The following STIMATE variants were observed in gnomAD, a reference collection of about 807,000 sequenced individuals.
The protein encoded by STIMATE is store-operated calcium entry regulator STIMATE.
STIMATE carries 15 observed loss-of-function variants against 36.7 expected under a neutral mutation model. That is an observed-to-expected ratio of 0.41 (90% confidence interval 0.27 to 0.63). STIMATE has a LOEUF of 0.63. Among genes scored for constraint, STIMATE ranks in the 20% least tolerant of loss-of-function variants. The probability of loss-of-function intolerance (pLI) is 0.32; values close to 1 mark genes in which losing one functional copy is unlikely to be tolerated. For synonymous variants in STIMATE, 163 were observed against 162.3 expected (o/e 1.00, Z -0.03); for missense variants, 305 against 397.3 (o/e 0.77, Z 1.98).
At chr3:52,868,503 T>A (rs937669466) in intron 1 of STIMATE, among the ~76,000 whole-genome samples, 1 of 152,252 alleles carries the variant, frequency 6.6e-6, no homozygotes, top group South Asian at 2.1e-4. Flanking sequence ...ACTTAACTTT[T>A]CAGAGTCTGT....
chr3:52,871,755 C>G (rs938637151), intron 1 of STIMATE, among the ~76,000 whole-genome samples: 1 of 152,296 alleles, frequency 6.6e-6, no homozygotes, highest in African/African-American at 2.4e-5. Context: ...TGACACAAAT[C>G]TGTCAAAAGT....
chr3:52,854,251 C>A (rs1021414622), intron 2 of STIMATE, among the ~76,000 whole-genome samples: 1 of 152,122 alleles, frequency 6.6e-6, no homozygotes, highest in African/African-American at 2.4e-5. Flanking sequence ...AAGACAGGAG[C>A]CTTTTGCTCT....
chr3:52,888,964 G>A (rs899344239), intron 1 of STIMATE, among the ~76,000 whole-genome samples: 2 of 152,110 alleles, frequency 1.3e-5, no homozygotes, highest in African/African-American at 4.8e-5. Context: ...CCCACCCAAT[G>A]TCCACACCAT....
intron 1 of STIMATE, among the ~76,000 whole-genome samples, chr3:52,883,224 T>C (rs1352630755): frequency 6.6e-6 from 1 of 152,240 alleles, no homozygotes; most frequent in Non-Finnish European, 1.5e-5. Flanking sequence ...TATAGAATCC[T>C]AGATTGACAG....
chr3:52,891,699 T>C (rs946097813), intron 1 of STIMATE, among the ~76,000 whole-genome samples: 1 of 152,006 alleles, frequency 6.6e-6, no homozygotes, highest in Non-Finnish European at 1.5e-5. Flanking sequence ...TTCACTGCCA[T>C]GCACTCTGTG....
intron 3 of STIMATE, among the ~76,000 whole-genome samples, chr3:52,852,093 G>A (rs1411102314): frequency 1.3e-5 from 2 of 152,244 alleles, no homozygotes; most frequent in Non-Finnish European, 2.9e-5. Context: ...CATCAGCAAG[G>A]AGGACAGAAT....
chr3:52,852,474 A>C, intron 3 of STIMATE, 129 bp downstream of exon 3: 1 of 1,105,904 alleles, frequency 9.0e-7, no homozygotes, highest in African/African-American at 1.6e-5. Flanking sequence ...CTCTCAGAGG[A>C]GCACAGAGGA....
At chr3:52,852,719 C>T (rs976072261) in intron 2 of STIMATE, 21 bp from the exon 3 acceptor site, 8 of 1,612,624 alleles carry the variant, frequency 5.0e-6, no homozygotes, top group African/African-American at 1.3e-5. Flanking sequence ...TAAACCAGCA[C>T]TGGTTATTAG....
chr3:52,867,851 T>C (rs1011414044), intron 1 of STIMATE, among the ~76,000 whole-genome samples: 7 of 152,122 alleles, frequency 4.6e-5, no homozygotes, highest in African/African-American at 1.7e-4. Context: ...CAGCAGTTAG[T>C]AGAGGAGCCG....
Position 52,844,845 on chromosome 3 carries a change from AT to A in STIMATE, c.523del (p.Ile175TyrfsTer10). On this transcript the variant is annotated frameshift_variant, in exon 5 of 8. Coordinates refer to ENST00000355083, the MANE Select transcript of STIMATE (RefSeq NM_198563.5). LOFTEE classifies it high-confidence loss of function. Reference sequence around the variant, plus strand: ...GAAGCAAACCTTTTTCCACTGAAGTATTAGGAGGACGATGAAGACGACAGAC... The same window carrying A: ...GAAGCAAACCTTTTTCCACTGAAGTATAGGAGGACGATGAAGACGACAGAC... ...EKSVVFIVLL[I>X]LQWKKVALLN... 1 of 1,614,128 alleles carries A rather than the reference AT, an allele frequency of 6.2e-7. No individual in the cohort carries two copies. The highest frequency in any genetic ancestry group is 8.5e-7 in the Non-Finnish European group (1 of 1,179,986).
intron 1 of STIMATE, among the ~76,000 whole-genome samples, chr3:52,886,287 C>G (rs72959487): frequency 0.031 from 4,695 of 152,236 alleles, 281 homozygotes; most frequent in African/African-American, 0.11. Context: ...CATGTGTATG[C>G]TGCACATGGC....
intron 3 of STIMATE, among the ~76,000 whole-genome samples, chr3:52,851,887 C>T (rs562723942): frequency 6.6e-6 from 1 of 152,352 alleles, no homozygotes; most frequent in Non-Finnish European, 1.5e-5. Flanking sequence ...TCCATGACTC[C>T]TGAGCGGTGT....
chr3:52,873,559 C>A (rs1701445754), intron 1 of STIMATE, among the ~76,000 whole-genome samples: 2 of 152,144 alleles, frequency 1.3e-5, no homozygotes, highest in Admixed American at 1.3e-4. Flanking sequence ...AGGGTAGCCT[C>A]AGTGAACTAA....
chr3:52,850,012 T>C, intron 3 of STIMATE, 99 bp from the exon 4 acceptor site: 1 of 1,470,846 alleles, frequency 6.8e-7, no homozygotes, highest in Non-Finnish European at 9.0e-7. Context: ...GGACCCAGCA[T>C]TTGTTTGGGC....
intron 2 of STIMATE, 74 bp from the exon 3 acceptor site, chr3:52,852,772 C>A: frequency 6.3e-7 from 1 of 1,576,226 alleles, no homozygotes; most frequent in South Asian, 1.2e-5. Context: ...AACGAGAAGA[C>A]TGAAACAGGA....
chr3:52,896,023 A>C, intron 1 of STIMATE: 1 of 1,117,372 alleles, frequency 8.9e-7, no homozygotes. Context: ...AAAAGGAAAG[A>C]AAAAGTGGCA....
At chr3:52,885,035 T>G (rs908573598) in intron 1 of STIMATE, among the ~76,000 whole-genome samples, 6 of 152,230 alleles carry the variant, frequency 3.9e-5, no homozygotes, top group Admixed American at 3.3e-4. Flanking sequence ...TTACCAGCAA[T>G]GCATAGGAGT....
At chr3:52,873,854 T>C (rs1701452672) in intron 1 of STIMATE, among the ~76,000 whole-genome samples, 1 of 152,220 alleles carries the variant, frequency 6.6e-6, no homozygotes, top group Non-Finnish European at 1.5e-5. Context: ...AGAGAAATGC[T>C]GCATCTGCTC....
chr3:52,847,310 G>A (rs1463228430), intron 4 of STIMATE: 3 of 1,189,686 alleles, frequency 2.5e-6, no homozygotes, highest in East Asian at 5.9e-5. Context: ...AGCAATAGGG[G>A]CCAAAAGGAG....
Sources: gnomAD v4.1 joint callset for allele counts (sites outside exome capture counted in the v4.1 genomes callset) on GRCh38, gnomAD v4.1.1 for gene constraint, MANE v1.5 for transcripts, NCBI Gene and HGNC (gene_info 2026-07-23, HGNC 2026-07-21) for gene names.